Variants in ABCG1 observed in about 807,000 individuals in gnomAD.
ABCG1 encodes the protein ATP binding cassette subfamily G member 1.
ABCG1 carries 29 observed loss-of-function variants against 69.2 expected under a neutral mutation model. The observed-to-expected ratio is 0.42, with a 90% CI of 0.31 to 0.57. The LOEUF is 0.57. Ranked by LOEUF, ABCG1 falls within the 20% of genes least tolerant of loss-of-function variation. The pLI is 0.15. For synonymous variants in ABCG1, 370 were observed against 374.8 expected (o/e 0.99, Z 0.15); for missense variants, 718 against 898.1 (o/e 0.80, Z 2.56).
intron 2 of ABCG1, among the ~76,000 whole-genome samples, 188 bp from the exon 3 acceptor site, chr21:42,270,882 T>C (rs1345770967): frequency 6.6e-6 from 1 of 152,194 alleles, no homozygotes; most frequent in East Asian, 1.9e-4. Context: ...ACCTGTGAAA[T>C]GCAATTGAAG....
At chr21:42,216,197 G>T (rs1045222839), upstream of ABCG1, 2 of 447,118 alleles carry the variant, frequency 4.5e-6, no homozygotes, top group Non-Finnish European at 9.0e-6. Flanking sequence ...CTGTGAGTCC[G>T]TTAAATCTCT....
intron 2 of ABCG1, among the ~76,000 whole-genome samples, chr21:42,260,845 C>T (rs1189670511): frequency 9.3e-5 from 14 of 151,322 alleles, no homozygotes; most frequent in South Asian, 2.1e-4. Context: ...TTTTTTGAGA[C>T]GGAGTCTCGC....
chr21:42,217,679 C>CTTTTTTTTTTTTTT (rs71190409), upstream of ABCG1, among the ~76,000 whole-genome samples: 10 of 61,638 alleles, frequency 1.6e-4, no homozygotes, highest in African/African-American at 6.3e-4. Flanking sequence ...TGGATCTACT[C>CTTTTTTTTTTTTTT]TTTTTTTTTT....
intron 1 of ABCG1, 108 bp from the exon 2 acceptor site, chr21:42,225,563 G>A: frequency 7.2e-7 from 1 of 1,385,948 alleles, no homozygotes; most frequent in Non-Finnish European, 9.8e-7. Context: ...AGTGGAAGAA[G>A]TGTTGCTATT....
In ABCG1 at chr21:42,240,608, C is replaced by T. The variant is rs552973897; in HGVS notation, c.286+14694C>T. Among the ~76,000 whole-genome samples, 107 of 152,296 alleles carry T rather than the reference C, an allele frequency of 7.0e-4. 1 individual carries two copies. Among genetic ancestry groups the T allele is most frequent in the African/African-American group, 2.5e-3 (105 of 41,566 alleles). ...TGGGATTACAGGCGCCCATCACACC[C>T]GGCTAATTTTTGTGTTTTTAGTAGA... On this transcript the variant is annotated intron_variant, in intron 2 of 14. Coordinates refer to ENST00000398449, the MANE Select transcript of ABCG1 (RefSeq NM_016818.3).
chr21:42,234,465 C>T (rs897638372), intron 2 of ABCG1, among the ~76,000 whole-genome samples: 2 of 152,210 alleles, frequency 1.3e-5, no homozygotes, highest in Admixed American at 6.5e-5. Context: ...GCATCTTTGG[C>T]CTCTGTCCTT....
chr21:42,291,082 T>C lies in ABCG1; in HGVS notation c.1394-10T>C, dbSNP rs2069048804. 1 of 1,607,564 alleles carries C rather than the reference T, an allele frequency of 6.2e-7. No homozygotes were observed. Among genetic ancestry groups the C allele is most frequent in the Non-Finnish European group, 8.5e-7 (1 of 1,174,140 alleles). ...CACTGACCCTTCTTTTTTGCTTTTC[T>C]ATCTCCTAGTTCCCCTGGAGATGGG... On this transcript the variant is annotated splice_polypyrimidine_tract_variant and intron_variant, in intron 11 of 14. Transcript: ENST00000398449. This position sits in a 1 kb window ranked among gnomAD's most constrained non-coding sequence, Gnocchi z 6.4.
chr21:42,254,153 C>T (rs547163983), intron 2 of ABCG1, among the ~76,000 whole-genome samples: 108 of 152,260 alleles, frequency 7.1e-4, no homozygotes, highest in African/African-American at 2.4e-3. Flanking sequence ...ACCCCAGAAC[C>T]GGATGACACA....
intron 2 of ABCG1, among the ~76,000 whole-genome samples, chr21:42,209,020 G>A (rs1314185117): frequency 6.6e-6 from 1 of 152,168 alleles, no homozygotes; most frequent in Non-Finnish European, 1.5e-5. Flanking sequence ...ATGTCTCGGA[G>A]CCTGGAAAGG....
Position 42,291,431 on chromosome 21 carries a change from A to T in ABCG1, c.1495-67A>T. 6.4e-7 allele frequency: 1 copy of T among 1,560,508 alleles called. No individual in the cohort carries two copies. The highest frequency in any genetic ancestry group is 8.7e-7 in the Non-Finnish European group (1 of 1,147,460). On this transcript the variant is annotated intron_variant, in intron 12 of 14. Transcript: ENST00000398449. The surrounding 1 kb of genome is among the most constrained non-coding windows in gnomAD (Gnocchi z 6.4). ...TGCGGGGAAGGGCTGGCTGCCCAGGAGCTTTGCTGTTGGCCTGCTGTGGTG... is the reference window on the plus strand; with the variant it reads ...TGCGGGGAAGGGCTGGCTGCCCAGGTGCTTTGCTGTTGGCCTGCTGTGGTG...
intron 2 of ABCG1, among the ~76,000 whole-genome samples, chr21:42,264,459 A>C (rs2068467716): frequency 6.6e-6 from 1 of 151,768 alleles, no homozygotes; most frequent in Admixed American, 6.6e-5. Context: ...CCATCCATTC[A>C]TTCATCTATT....
intron 10 of ABCG1, among the ~76,000 whole-genome samples, chr21:42,289,506 G>A (rs571813731): frequency 6.1e-4 from 93 of 152,312 alleles, no homozygotes; most frequent in Admixed American, 2.5e-3. Flanking sequence ...GGGACGGGGG[G>A]TTGGACAATT....
intron 2 of ABCG1, among the ~76,000 whole-genome samples, chr21:42,203,354 C>T (rs945961727): frequency 3.9e-5 from 6 of 152,126 alleles, no homozygotes; most frequent in African/African-American, 1.4e-4. Context: ...ATGGGTCATG[C>T]TTTTGGAACT....
In ABCG1 at chr21:42,271,161, G is replaced by C. The variant is rs150194543; in HGVS notation, c.378G>C (p.Thr126=). 3 of 1,575,612 alleles carry C rather than the reference G, an allele frequency of 1.9e-6. No homozygotes were observed. The highest frequency in any genetic ancestry group is 2.4e-5 in the South Asian group (2 of 84,922). Reference sequence around the variant, plus strand: ...GTCCTTCCGGGGCCGGGAAGTCCACGCTGATGAACATCCTGGCTGGATACA... The same window carrying C: ...GTCCTTCCGGGGCCGGGAAGTCCACCCTGATGAACATCCTGGCTGGATACA... The part of the protein sequence containing the change: ...IMGPSGAGKS[T]LMNILAGYRE... The change falls in exon 3 of 15, where the codon ACG becomes ACC. Residue 126 remains threonine (T), a synonymous_variant. Coordinates refer to ENST00000398449, the MANE Select transcript of ABCG1 (RefSeq NM_016818.3).
At chr21:42,266,437 C>G (rs1463421344) in intron 2 of ABCG1, among the ~76,000 whole-genome samples, 1 of 152,110 alleles carries the variant, frequency 6.6e-6, no homozygotes, top group Non-Finnish European at 1.5e-5. Context: ...TCTGAAGGAC[C>G]AGCATGCTCT....
chr21:42,294,037 C>CT (rs1174648346), intron 13 of ABCG1, among the ~76,000 whole-genome samples: 1 of 152,074 alleles, frequency 6.6e-6, no homozygotes, highest in East Asian at 1.9e-4. Context: ...CCTGTTGGAC[C>CT]TGTGCTCACT....
At chr21:42,293,243 C>A (rs937403931) in intron 13 of ABCG1, among the ~76,000 whole-genome samples, 1 of 134,550 alleles carries the variant, frequency 7.4e-6, no homozygotes, top group African/African-American at 3.2e-5. Flanking sequence ...ACCACACACA[C>A]ACCACACTAC....
Position 42,291,541 on chromosome 21 carries a change from C to T in ABCG1, c.1538C>T (p.Thr513Met), listed in dbSNP as rs761831525. ...VAYCSIVYWM[T>M]SQPSDAVRFV... ...TACTGCAGCATCGTGTACTGGATGA[C>T]GTCGCAGCCGTCCGACGCCGTGCGC... The change falls in exon 13 of 15, where the codon ACG (threonine) becomes ATG (methionine). Residue 513 changes from threonine (T) to methionine (M), a missense_variant. By Grantham distance (81) the Thr-to-Met change is moderately conservative. Coordinates refer to ENST00000398449, the MANE Select transcript of ABCG1 (RefSeq NM_016818.3). The surrounding 1 kb of genome is among the most constrained non-coding windows in gnomAD (Gnocchi z 6.4). 11 of 1,613,676 alleles carry T rather than the reference C, an allele frequency of 6.8e-6. No homozygotes were observed. The highest frequency in any genetic ancestry group is 2.2e-5 in the East Asian group (1 of 44,868).
At chr21:42,271,812 A>T (rs2068623346) in intron 3 of ABCG1, among the ~76,000 whole-genome samples, 1 of 152,176 alleles carries the variant, frequency 6.6e-6, no homozygotes, top group South Asian at 2.1e-4. Context: ...TGAACCCAGG[A>T]GGCAGAGGTT....
Sources: gnomAD v4.1 joint callset for allele counts (sites outside exome capture counted in the v4.1 genomes callset) on GRCh38, gnomAD v4.1.1 for gene constraint, Gnocchi (gnomAD v3.1) non-coding constraint, MANE v1.5 for transcripts, NCBI Gene and HGNC (gene_info 2026-07-23, HGNC 2026-07-21) for gene names.